TBCK: variants seen among roughly 807,000 people sequenced by gnomAD.
The protein encoded by TBCK is TBC1 domain containing kinase, also known as TBC domain-containing protein kinase-like protein.
TBCK carries 99 observed loss-of-function variants against 113.4 expected under a neutral mutation model. That is an observed-to-expected ratio of 0.87 (90% CI 0.74 to 1.03). The LOEUF (loss-of-function observed/expected upper bound fraction) is 1.03, where lower values mean the gene tolerates loss of function less well. TBCK is among the 50% of genes least tolerant of loss of function. TBCK has a pLI of 0.00. For synonymous variants in TBCK, 369 were observed against 370.8 expected (o/e 1.00, Z 0.05); for missense variants, 1,045 against 1,061.3 (o/e 0.98, Z 0.21).
intron 23 of TBCK, 96 bp from the exon 24 acceptor site, chr4:106,116,474 A>G (rs1578943483): frequency 3.1e-6 from 3 of 960,844 alleles, no homozygotes; most frequent in East Asian, 5.2e-5. Context: ...ACAATACAGC[A>G]TATAAGAGAA....
At chr4:106,238,548 GA>G (rs1175843048) in intron 12 of TBCK, 3 of 152,006 alleles carry the variant, frequency 2.0e-5, no homozygotes, top group African/African-American at 7.2e-5. Flanking sequence ...GCCACGTAAA[GA>G]AAAAACTAGG....
chr4:106,277,977 G>A (rs1764191407), intron 3 of TBCK, among the ~76,000 whole-genome samples: 1 of 152,120 alleles, frequency 6.6e-6, no homozygotes, highest in African/African-American at 2.4e-5. Flanking sequence ...ATAAAGATGG[G>A]TTAAATTTAG....
intron 19 of TBCK, among the ~76,000 whole-genome samples, chr4:106,214,575 C>A (rs1166696670): frequency 1.3e-5 from 2 of 151,920 alleles, no homozygotes; most frequent in Non-Finnish European, 2.9e-5. Flanking sequence ...AATGCAGAAG[C>A]GTCAGGAGCC....
At chr4:106,117,512 A>C (rs1000334491) in intron 23 of TBCK, among the ~76,000 whole-genome samples, 1 of 152,186 alleles carries the variant, frequency 6.6e-6, no homozygotes, top group Non-Finnish European at 1.5e-5. Context: ...CAGGCTATCA[A>C]ACCCATCCAT....
At chr4:106,106,328 G>A (rs1198520155) in intron 24 of TBCK, among the ~76,000 whole-genome samples, 1 of 152,124 alleles carries the variant, frequency 6.6e-6, no homozygotes, top group Non-Finnish European at 1.5e-5. Context: ...TCATACATGA[G>A]ACACATAATT....
rs1454172568 is a variant in TBCK, at chr4:106,247,185, T to C, written c.885A>G (p.Arg295=). The C allele has an allele frequency of 6.2e-7, 1 of 1,613,476 alleles. No individual in the cohort carries two copies. The stretch of plus-strand genomic sequence containing the variant: ...CCTCAGGCAGAGTTAAATCAGCACA[T>C]CTCAGAGAAGATGAAAACAGACTGG... ...KPASLFSSSL[R]CADLTLPEDI... Residue 295 remains arginine, a synonymous_variant, in exon 10 of 26, where the codon AGA becomes AGG. Coordinates refer to ENST00000394708, the MANE Select transcript of TBCK (RefSeq NM_001163435.3).
At chr4:106,127,966 C>T (rs377656623) in intron 23 of TBCK, among the ~76,000 whole-genome samples, 14 of 152,032 alleles carry the variant, frequency 9.2e-5, no homozygotes, top group African/African-American at 2.9e-4. Flanking sequence ...CACACACACG[C>T]GTACACACAC....
At chr4:106,113,281 A>C (rs1321880215) in intron 24 of TBCK, among the ~76,000 whole-genome samples, 2 of 152,082 alleles carry the variant, frequency 1.3e-5, no homozygotes, top group Admixed American at 1.3e-4. Context: ...GAACATACTC[A>C]CTCTATCCTT....
At chr4:106,111,822 T>C (rs28786397) in intron 24 of TBCK, among the ~76,000 whole-genome samples, 1 of 152,144 alleles carries the variant, frequency 6.6e-6, no homozygotes, top group African/African-American at 2.4e-5. Flanking sequence ...GCAACTTACA[T>C]ACCTTAAATG....
intron 19 of TBCK, among the ~76,000 whole-genome samples, chr4:106,215,282 C>T (rs1301779996): frequency 3.9e-5 from 6 of 151,976 alleles, no homozygotes; most frequent in African/African-American, 7.3e-5. Flanking sequence ...TAATGACCAT[C>T]GAGACTACGA....
At position 106,236,382 on chromosome 4, in the gene TBCK, A is replaced by G; in HGVS notation, c.1350+8T>C. 1 of 1,474,738 alleles carries G rather than the reference A, an allele frequency of 6.8e-7. No homozygotes were observed. The highest frequency in any genetic ancestry group is 1.6e-5 in the South Asian group (1 of 62,508). 91.4% of individuals were successfully genotyped at this position (1,474,738 alleles called of 1,614,324 possible). On this transcript the variant is annotated splice_region_variant and intron_variant, in intron 14 of 25. Coordinates refer to ENST00000394708, the MANE Select transcript of TBCK (RefSeq NM_001163435.3). ...TATTGTTAACACTTTATACTTTAGA[A>G]TCCATACCTTTAGCAGCCTGTCGAA... is the stretch of plus-strand genomic sequence containing the variant.
chr4:106,292,583 AAAG>A (rs1303667369), intron 3 of TBCK, among the ~76,000 whole-genome samples: 1 of 151,916 alleles, frequency 6.6e-6, no homozygotes, highest in Non-Finnish European at 1.5e-5. Context: ...AAAAAAAAAA[AAAG>A]TACATGCCCT....
chr4:106,097,810 T>C (rs1741102624), intron 24 of TBCK, among the ~76,000 whole-genome samples: 1 of 152,068 alleles, frequency 6.6e-6, no homozygotes, highest in African/African-American at 2.4e-5. Context: ...GAATAAAATA[T>C]GAGGTATTTG....
At chr4:106,197,411 G>GTGTGTGTGTATATATA (rs35695611) in intron 20 of TBCK, among the ~76,000 whole-genome samples, 9 of 122,446 alleles carry the variant, frequency 7.4e-5, no homozygotes, top group Admixed American at 2.5e-4. Flanking sequence ...GTGTGTGTGT[G>GTGTGTGTGTATATATA]TATATATATA....
intron 12 of TBCK, among the ~76,000 whole-genome samples, chr4:106,241,436 C>G (rs1334777596): frequency 1.3e-5 from 2 of 151,718 alleles, no homozygotes; most frequent in Non-Finnish European, 2.9e-5. Context: ...TTAAAGAGTT[C>G]CTACTCCATT....
At chr4:106,110,667 G>C (rs1578922881) in intron 24 of TBCK, among the ~76,000 whole-genome samples, 1 of 152,118 alleles carries the variant, frequency 6.6e-6, no homozygotes, top group Non-Finnish European at 1.5e-5. Flanking sequence ...TGATGTACAA[G>C]GGCAATGGGT....
At chr4:106,210,003 T>G (rs1279432811) in intron 20 of TBCK, among the ~76,000 whole-genome samples, 1 of 152,198 alleles carries the variant, frequency 6.6e-6, no homozygotes, top group Non-Finnish European at 1.5e-5. Context: ...CTCTCTTTAT[T>G]CTTTTCAGGA....
chr4:106,297,549 C>T (rs932106035), intron 2 of TBCK, among the ~76,000 whole-genome samples: 10 of 152,104 alleles, frequency 6.6e-5, no homozygotes, highest in African/African-American at 2.4e-4. Flanking sequence ...ACATTAATTC[C>T]TATTTCTTTC....
chr4:106,235,634 C>G (rs1759369290), intron 14 of TBCK, among the ~76,000 whole-genome samples: 1 of 151,924 alleles, frequency 6.6e-6, no homozygotes, highest in Non-Finnish European at 1.5e-5. Flanking sequence ...ATTTGATGCT[C>G]TGGGGGGATT....
Sources: gnomAD v4.1 joint callset for allele counts (sites outside exome capture counted in the v4.1 genomes callset) on GRCh38, gnomAD v4.1.1 for gene constraint, MANE v1.5 for transcripts, NCBI Gene and HGNC (gene_info 2026-07-23, HGNC 2026-07-21) for gene names.